CSMD1: variants seen among roughly 807,000 people sequenced by gnomAD.
The protein encoded by CSMD1 is CUB and Sushi multiple domains 1.
CSMD1 carries 213 observed loss-of-function variants against 417.5 expected under a neutral mutation model. The ratio of observed to expected loss-of-function variants is 0.51; its 90% CI spans 0.46 to 0.57. The LOEUF (loss-of-function observed/expected upper bound fraction) is 0.57, where lower values mean the gene tolerates loss of function less well. Among genes scored for constraint, CSMD1 ranks in the 20% least tolerant of loss-of-function variants. The probability of loss-of-function intolerance (pLI) is 0.00; values close to 1 mark genes in which losing one functional copy is unlikely to be tolerated. For synonymous variants in CSMD1, 2,862 were observed against 1,736.8 expected (o/e 1.65, Z -16.11); for missense variants, 6,923 against 4,529.7 (o/e 1.53, Z -15.17).
intron 3 of CSMD1, among the ~76,000 whole-genome samples, chr8:4,257,128 C>A (rs549201398): frequency 1.3e-5 from 2 of 152,132 alleles, no homozygotes; most frequent in East Asian, 3.9e-4. Context: ...GTCATACTCA[C>A]CACATTTGTT....
chr8:3,676,544 G>C lies in CSMD1; in HGVS notation c.1009+31870C>G, dbSNP rs567171914. The stretch of plus-strand genomic sequence containing the variant: ...ATATAGATCTTAAATATATCCGAAT[G>C]GTACACATGTTCTCCCTTACCATTA... On this transcript the variant is annotated intron_variant, in intron 7 of 69. Coordinates refer to ENST00000635120, the MANE Select transcript of CSMD1 (RefSeq NM_033225.6). 8.1e-4 allele frequency among the ~76,000 whole-genome samples: 124 copies of C among 152,186 alleles called. 1 individual carries two copies. Among genetic ancestry groups the C allele is most frequent in the Admixed American group, 2.7e-3 (42 of 15,282 alleles).
chr8:3,006,951 C>A (rs531735496), intron 52 of CSMD1, among the ~76,000 whole-genome samples: 1 of 141,664 alleles, frequency 7.1e-6, no homozygotes, highest in Non-Finnish European at 1.5e-5. Context: ...AGAGCTTCTG[C>A]ACAGCAAAAG....
chr8:4,318,581 C>T (rs1585222015), intron 3 of CSMD1, among the ~76,000 whole-genome samples: 1 of 151,862 alleles, frequency 6.6e-6, no homozygotes, highest in Non-Finnish European at 1.5e-5. Context: ...GAATAAAAAA[C>T]ATGTTGATTG....
chr8:4,760,085 C>T (rs551950142), intron 1 of CSMD1, among the ~76,000 whole-genome samples: 16 of 152,248 alleles, frequency 1.1e-4, no homozygotes, highest in Non-Finnish European at 7.4e-5. Flanking sequence ...TGTTTCTAGA[C>T]TTTTTAATAA....
intron 8 of CSMD1, among the ~76,000 whole-genome samples, chr8:3,611,139 G>C (rs1323483730): frequency 2.0e-5 from 3 of 150,270 alleles, no homozygotes; most frequent in Non-Finnish European, 4.4e-5. Context: ...GCTAAATGAC[G>C]AGTTAATGGC....
chr8:4,224,853 T>G (rs575565143), intron 3 of CSMD1, among the ~76,000 whole-genome samples: 1 of 152,372 alleles, frequency 6.6e-6, no homozygotes, highest in African/African-American at 2.4e-5. Context: ...CTCACGCCTG[T>G]CATCCCAGCA....
chr8:3,844,886 A>T (rs1393280452), intron 5 of CSMD1, among the ~76,000 whole-genome samples: 1 of 152,168 alleles, frequency 6.6e-6, no homozygotes, highest in Non-Finnish European at 1.5e-5. Flanking sequence ...TTTTTTCTAA[A>T]ATTCTTGTCA....
chr8:3,551,133 C>T (rs1047745146), intron 10 of CSMD1, among the ~76,000 whole-genome samples: 7 of 152,112 alleles, frequency 4.6e-5, no homozygotes, highest in African/African-American at 1.7e-4. Context: ...ATTCAGTTTT[C>T]TTATCTTTAA....
chr8:3,558,335 T>C (rs1236935885), intron 10 of CSMD1, among the ~76,000 whole-genome samples: 3 of 122,090 alleles, frequency 2.5e-5, no homozygotes, highest in African/African-American at 5.6e-5. Flanking sequence ...GATGCCTCAG[T>C]AGTACCCCGT....
chr8:4,609,564 G>C (rs965001288), intron 2 of CSMD1, among the ~76,000 whole-genome samples: 2 of 152,160 alleles, frequency 1.3e-5, no homozygotes, highest in Admixed American at 6.5e-5. Context: ...ATGTACAAAA[G>C]TGAGCAGAAT....
chr8:2,961,495 A>T (rs1803483488), intron 61 of CSMD1, among the ~76,000 whole-genome samples: 1 of 152,100 alleles, frequency 6.6e-6, no homozygotes, highest in African/African-American at 2.4e-5. Flanking sequence ...TTTCTATAGA[A>T]ATATATTTGG....
rs781589554 is a variant in CSMD1, at chr8:2,966,684, G to C, written c.8986C>G (p.Leu2996Val). 6.2e-7 allele frequency: 1 copy of C among 1,613,830 alleles called. No individual in the cohort carries two copies. Among genetic ancestry groups the C allele is most frequent in the African/African-American group, 1.3e-5 (1 of 75,032 alleles). The part of the protein sequence containing the change: ...NGMIVSSDGI[L>V]FSSSVIYACW... ...GCATAGATGACCGAGCTGGAGAACA[G>C]AATGCCATCACTACTGACAATCATT... The change falls in exon 58 of 70, where the codon CTG becomes GTG. Residue 2996 changes from leucine (L) to valine (V), a missense_variant. Physicochemically the swap from Leu to Val is conservative, Grantham distance 32. Transcript: ENST00000635120.
intron 26 of CSMD1, among the ~76,000 whole-genome samples, chr8:3,266,394 C>G (rs1382654329): frequency 1.3e-5 from 2 of 151,522 alleles, no homozygotes; most frequent in African/African-American, 4.8e-5. Context: ...TCACCTGAGA[C>G]TAGGAGATTG....
intron 18 of CSMD1, among the ~76,000 whole-genome samples, chr8:3,375,804 T>G (rs757597907): frequency 5.3e-5 from 8 of 152,140 alleles, no homozygotes; most frequent in South Asian, 2.1e-4. Context: ...AGACCAGCAC[T>G]CGAGGCATTT....
rs146690691 is a variant in CSMD1 at position 4,729,721 on chromosome 8, A to G, written c.86-92163T>C. On this transcript the variant is annotated intron_variant, in intron 1 of 69. Coordinates refer to ENST00000635120, the MANE Select transcript of CSMD1 (RefSeq NM_033225.6). The stretch of plus-strand genomic sequence containing the variant: ...AGTGGCTTTTCAAAGCTGTGCTTAC[A>G]ACTCAAAGTTCCTATAAAACTGTAG... 9.9e-4 allele frequency among the ~76,000 whole-genome samples: 151 copies of G among 152,340 alleles called. 1 individual carries two copies. The highest frequency in any genetic ancestry group is 3.6e-3 in the African/African-American group (148 of 41,566).
intron 3 of CSMD1, among the ~76,000 whole-genome samples, chr8:4,143,484 T>A (rs138933452): frequency 6.0e-5 from 9 of 150,792 alleles, no homozygotes; most frequent in Admixed American, 1.3e-4. Context: ...ATATGGCTCA[T>A]AGTTAAAGCT....
At chr8:3,142,748 G>A in intron 40 of CSMD1, 74 bp from the exon 41 acceptor site, 8 of 1,245,618 alleles carry the variant, frequency 6.4e-6, no homozygotes, top group Non-Finnish European at 9.4e-6. Flanking sequence ...AAAAGGGACT[G>A]AAGTGTTAGC....
intron 2 of CSMD1, among the ~76,000 whole-genome samples, chr8:4,466,011 A>C (rs1048815361): frequency 1.3e-5 from 2 of 152,240 alleles, no homozygotes; most frequent in Non-Finnish European, 2.9e-5. Flanking sequence ...AAAGATGTGC[A>C]ATCACATTTG....
chr8:3,429,067 G>T (rs932806172), intron 12 of CSMD1, among the ~76,000 whole-genome samples: 1 of 152,126 alleles, frequency 6.6e-6, no homozygotes, highest in Admixed American at 6.6e-5. Flanking sequence ...GGAGAGATGA[G>T]TTAACAGGTG....
Sources: gnomAD v4.1 joint callset for allele counts (sites outside exome capture counted in the v4.1 genomes callset) on GRCh38, gnomAD v4.1.1 for gene constraint, MANE v1.5 for transcripts, NCBI Gene and HGNC (gene_info 2026-07-23, HGNC 2026-07-21) for gene names.